The following PELI2 variants were observed in gnomAD, a reference collection of about 807,000 sequenced individuals.
PELI2 encodes the protein E3 ubiquitin-protein ligase pellino homolog 2.
A neutral mutation model predicts 42.3 loss-of-function variants in PELI2; 23 were observed. The ratio of observed to expected loss-of-function variants is 0.54; its 90% confidence interval spans 0.39 to 0.77. PELI2 has a LOEUF of 0.77. Among genes scored for constraint, PELI2 ranks in the 30% least tolerant of loss-of-function variants. PELI2 has a pLI of 0.00. For missense variants in PELI2, 463 were observed against 553.2 expected, an observed-to-expected ratio of 0.84 and a Z score of 1.64; for synonymous variants, 245 against 212.2, an observed-to-expected ratio of 1.15 and a Z score of -1.34.
intron 1 of PELI2, among the ~76,000 whole-genome samples, chr14:56,146,341 A>G (rs1884116059): frequency 6.6e-6 from 1 of 152,202 alleles, no homozygotes; most frequent in Non-Finnish European, 1.5e-5. Flanking sequence ...TGGGACATTG[A>G]GAAAGAAGAT....
Position 56,203,140 on chromosome 14 carries a change from C to T in PELI2, c.207+24676C>T, listed in dbSNP as rs1164509774. On this transcript the variant is annotated intron_variant, in intron 2 of 5. Coordinates refer to ENST00000267460, the MANE Select transcript of PELI2 (RefSeq NM_021255.3). ...AATTGCCGAAAGATCTAGGGGTGAC[C>T]AGCCTGGCCAACATGCTGAAATCCT... Among the ~76,000 whole-genome samples, 6 of 152,112 alleles carry T rather than the reference C, an allele frequency of 3.9e-5. No homozygotes were observed. The East Asian group carries it at 9.7e-4, about 25-fold the overall frequency.
At chr14:56,169,345 G>A (rs1275772540) in intron 1 of PELI2, among the ~76,000 whole-genome samples, 1 of 152,232 alleles carries the variant, frequency 6.6e-6, no homozygotes, top group Non-Finnish European at 1.5e-5. Flanking sequence ...ATCCCTTGGT[G>A]GTGAGGTTTG....
At chr14:56,135,086 C>A (rs242418) in intron 1 of PELI2, among the ~76,000 whole-genome samples, 92,090 of 152,016 alleles carry the variant, frequency 0.61, 28,991 homozygotes, top group African/African-American at 0.8. Flanking sequence ...AATTATTCTG[C>A]ATTAAAGTTC....
chr14:56,145,004 G>A (rs1884060159), intron 1 of PELI2: 1 of 977,942 alleles, frequency 1.0e-6, no homozygotes, highest in African/African-American at 1.7e-5. Context: ...CCAAAAGGTG[G>A]GTGTTAGGTT....
At chr14:56,127,787 T>C (rs998347626) in intron 1 of PELI2, among the ~76,000 whole-genome samples, 2 of 152,162 alleles carry the variant, frequency 1.3e-5, no homozygotes, top group Non-Finnish European at 1.5e-5. Flanking sequence ...TTTGGGGAAT[T>C]TTAGCATTTT....
chr14:56,131,029 C>T (rs969441431), intron 1 of PELI2, among the ~76,000 whole-genome samples: 4 of 152,152 alleles, frequency 2.6e-5, no homozygotes, highest in African/African-American at 9.7e-5. Flanking sequence ...GGACTAACGT[C>T]GCTGTTATGT....
At chr14:56,119,709 A>G (rs1329250690) in intron 1 of PELI2, 5 of 893,348 alleles carry the variant, frequency 5.6e-6, no homozygotes, top group Non-Finnish European at 6.7e-6. Context: ...GGGAGGGGGA[A>G]GGGGGAAGTG....
At chr14:56,296,230 TG>T (rs767937679) in intron 5 of PELI2, among the ~76,000 whole-genome samples, 9 of 152,310 alleles carry the variant, frequency 5.9e-5, no homozygotes, top group Middle Eastern at 3.4e-3. Flanking sequence ...CTGGATGGAC[TG>T]GTAGGACATC....
intron 2 of PELI2, among the ~76,000 whole-genome samples, chr14:56,205,023 C>A (rs1321444835): frequency 5.8e-5 from 8 of 137,080 alleles, no homozygotes; most frequent in Non-Finnish European, 4.9e-5. Context: ...GAGCGAGACT[C>A]CCTGTCAAAA....
rs1354053120 is a variant in PELI2, at chr14:56,300,462, A to G, written c.*3296A>G. 6.9e-6 allele frequency: 1 copy of G among 145,442 alleles called. No homozygotes were observed. Among genetic ancestry groups the G allele is most frequent in the Non-Finnish European group, 1.5e-5 (1 of 66,130 alleles). The allele number at this position is 145,442 out of a possible 1,614,324, so 9.0% of individuals were successfully genotyped here. A position where few individuals can be genotyped will look rare whatever the true frequency, so the allele number is the denominator to read the frequency against. ...CTTCAATGTCTTTTTTTTTTTTTTC[A>G]TGGAAAAACTCAAACCTCTGTTATT... is the stretch of plus-strand genomic sequence containing the variant. On this transcript the variant is annotated 3_prime_UTR_variant, in exon 6 of 6. Transcript: ENST00000267460.
At chr14:56,194,218 C>T (rs576998036) in intron 2 of PELI2, among the ~76,000 whole-genome samples, 1 of 152,294 alleles carries the variant, frequency 6.6e-6, no homozygotes, top group Admixed American at 6.5e-5. Flanking sequence ...AGCAAGTTTC[C>T]TGGCATGTGT....
At chr14:56,216,826 G>C (rs1031763379) in intron 2 of PELI2, among the ~76,000 whole-genome samples, 5 of 152,200 alleles carry the variant, frequency 3.3e-5, no homozygotes, top group African/African-American at 1.2e-4. Context: ...ACAGTTGGCT[G>C]TGTGCCACGA....
intron 2 of PELI2, among the ~76,000 whole-genome samples, chr14:56,210,866 C>T (rs1332400147): frequency 2.6e-5 from 4 of 152,168 alleles, no homozygotes; most frequent in Non-Finnish European, 5.9e-5. Flanking sequence ...TGAACATCCT[C>T]AGAGTTTTCC....
intron 2 of PELI2, among the ~76,000 whole-genome samples, chr14:56,254,538 C>T (rs188305476): frequency 1.6e-4 from 25 of 152,212 alleles, no homozygotes; most frequent in Admixed American, 7.8e-4. Flanking sequence ...CATAAAAACC[C>T]TAGAAGAAAA....
chr14:56,272,240 T>C (rs1399150261), intron 2 of PELI2, among the ~76,000 whole-genome samples: 1 of 152,226 alleles, frequency 6.6e-6, no homozygotes, highest in Admixed American at 6.5e-5. Context: ...GATATTAAAC[T>C]CCTGAGTCAT....
intron 1 of PELI2, among the ~76,000 whole-genome samples, chr14:56,146,267 G>C (rs899787486): frequency 8.5e-5 from 13 of 152,094 alleles, no homozygotes; most frequent in Admixed American, 7.2e-4. Context: ...TTGGTTTTTT[G>C]TTAGTGACAG....
intron 2 of PELI2, among the ~76,000 whole-genome samples, chr14:56,194,233 C>T (rs890507174): frequency 2.0e-5 from 3 of 152,126 alleles, no homozygotes; most frequent in Admixed American, 1.3e-4. Flanking sequence ...ATGTGTCTGC[C>T]TCTCTCCCTG....
In PELI2 at chr14:56,288,914, G is replaced by A. The variant is rs1045675355; in HGVS notation, c.507+280G>A. The stretch of plus-strand genomic sequence containing the variant: ...TTGTCCATAATGTATTTACGGCAAC[G>A]AAGAGGTTTATTTCAGAGAGAAAAA... On this transcript the variant is annotated intron_variant, in intron 4 of 5. Coordinates refer to ENST00000267460, the MANE Select transcript of PELI2 (RefSeq NM_021255.3). The surrounding 1 kb of genome is among the most constrained non-coding windows in gnomAD (Gnocchi z 4.6). Among the ~76,000 whole-genome samples, 44 of 152,050 alleles carry A rather than the reference G, an allele frequency of 2.9e-4. No individual in the cohort carries two copies. The highest frequency in any genetic ancestry group is 9.7e-4 in the African/African-American group (40 of 41,392).
At chr14:56,206,890 T>C (rs1277266520) in intron 2 of PELI2, among the ~76,000 whole-genome samples, 1 of 152,174 alleles carries the variant, frequency 6.6e-6, no homozygotes, top group East Asian at 1.9e-4. Context: ...CTCAGAGGGA[T>C]TTGCTGCATG....
Sources: allele counts gnomAD v4.1 joint callset (sites outside exome capture counted in the v4.1 genomes callset), GRCh38; gene constraint gnomAD v4.1.1; non-coding constraint Gnocchi (gnomAD v3.1); transcripts MANE v1.5; gene names NCBI Gene and HGNC (gene_info 2026-07-23, HGNC 2026-07-21).